STAG1: variants seen among roughly 807,000 people sequenced by gnomAD.
STAG1 encodes the protein STAG1 cohesin complex component, also known as cohesin subunit SA-1.
STAG1 carries 26 observed loss-of-function variants against 170.9 expected under a neutral mutation model. The observed-to-expected ratio is 0.15, with a 90% CI of 0.11 to 0.21. The LOEUF (loss-of-function observed/expected upper bound fraction) is 0.21. Among genes scored for constraint, STAG1 ranks in the 10% least tolerant of loss-of-function variants. STAG1 has a pLI of 1.00. For synonymous variants in STAG1, 514 were observed against 497.7 expected (o/e 1.03, Z -0.44); for missense variants, 964 against 1,509.5 (o/e 0.64, Z 5.99).
rs374645151 is a variant in STAG1 at position 136,519,608 on chromosome 3, G to A, written c.676+1605C>T. On this transcript the variant is annotated intron_variant, in intron 7 of 33. Coordinates refer to ENST00000383202, the MANE Select transcript of STAG1 (RefSeq NM_005862.3). ...AAATGGGCATTACTGTACACAGAAA[G>A]AAGTAAGACGAAAAGGAACAGAAAG... Among the ~76,000 whole-genome samples the A allele has an allele frequency of 2.0e-5, 3 of 150,678 alleles. No homozygotes were observed. In the East Asian group the frequency reaches 5.8e-4, roughly 29 times the overall value.
Position 136,337,147 on chromosome 3 carries a change from C to G in STAG1, c.*1107G>C, listed in dbSNP as rs898114146. On this transcript the variant is annotated 3_prime_UTR_variant, in exon 34 of 34. Transcript: ENST00000383202. The stretch of plus-strand genomic sequence containing the variant: ...ATTCAAGGTAAGCTTAGGAACTTCA[C>G]CCTCTAAGCACAGACTTCTATGCAG... 21 of 152,626 alleles carry G rather than the reference C, an allele frequency of 1.4e-4. No homozygotes were observed. Among genetic ancestry groups the G allele is most frequent in the African/African-American group, 5.1e-4 (21 of 41,450 alleles). 9.5% of individuals were successfully genotyped at this position (152,626 alleles called of 1,614,324 possible).
intron 32 of STAG1, 120 bp from the exon 33 acceptor site, chr3:136,338,570 G>C: frequency 1.5e-6 from 1 of 689,216 alleles, no homozygotes; most frequent in South Asian, 1.9e-5. Context: ...AGTCAATTTT[G>C]AAAGGAAGAA....
At chr3:136,422,879 A>G (rs755831653) in intron 17 of STAG1, 22 bp from the exon 18 acceptor site, 3 of 1,596,664 alleles carry the variant, frequency 1.9e-6, no homozygotes, top group Non-Finnish European at 2.6e-6. Flanking sequence ...AGCAAAGAAA[A>G]AGACAGTAAC....
At chr3:136,700,504 C>T (rs1943023804) in intron 1 of STAG1, among the ~76,000 whole-genome samples, 1 of 151,606 alleles carries the variant, frequency 6.6e-6, no homozygotes, top group South Asian at 2.1e-4. Flanking sequence ...ACCGCAACCT[C>T]CACCTCCCAG....
At chr3:136,370,917 A>T (rs1313008550) in intron 23 of STAG1, among the ~76,000 whole-genome samples, 6 of 152,180 alleles carry the variant, frequency 3.9e-5, no homozygotes, top group Non-Finnish European at 8.8e-5. Flanking sequence ...CTAGTTCTAG[A>T]TTCCTGAGGA....
chr3:136,553,638 G>A (rs1288813502), intron 5 of STAG1, among the ~76,000 whole-genome samples: 1 of 152,208 alleles, frequency 6.6e-6, no homozygotes, highest in African/African-American at 2.4e-5. Flanking sequence ...GCCGGGTGTG[G>A]TGGTGTGCGC....
chr3:136,697,986 A>T (rs1486804465), intron 1 of STAG1, among the ~76,000 whole-genome samples: 1 of 152,138 alleles, frequency 6.6e-6, no homozygotes, highest in Non-Finnish European at 1.5e-5. Context: ...AATACACATT[A>T]TAACTATATA....
intron 1 of STAG1, among the ~76,000 whole-genome samples, chr3:136,671,694 T>A (rs144020571): frequency 6.6e-6 from 1 of 151,932 alleles, no homozygotes; most frequent in Non-Finnish European, 1.5e-5. Flanking sequence ...AGTTCGACAC[T>A]AGCCTGGGCA....
intron 5 of STAG1, among the ~76,000 whole-genome samples, chr3:136,555,981 T>A (rs1936597224): frequency 1.3e-5 from 2 of 152,114 alleles, no homozygotes. Context: ...CTAAGCAAGA[T>A]ACTAGCAAAC....
intron 25 of STAG1, among the ~76,000 whole-genome samples, chr3:136,364,583 C>A (rs1008028918): frequency 5.9e-5 from 9 of 152,116 alleles, no homozygotes; most frequent in Non-Finnish European, 1.0e-4. Context: ...ACTATCTCAT[C>A]CCTGTAACCC....
At chr3:136,644,702 A>T (rs1360011565) in intron 1 of STAG1, among the ~76,000 whole-genome samples, 1 of 147,900 alleles carries the variant, frequency 6.8e-6, no homozygotes, top group African/African-American at 2.5e-5. Flanking sequence ...TATTTCTGTC[A>T]TTTTTTTTTT....
At chr3:136,428,589 T>C (rs558150359) in intron 16 of STAG1, among the ~76,000 whole-genome samples, 9 of 152,220 alleles carry the variant, frequency 5.9e-5, no homozygotes, top group African/African-American at 2.2e-4. Context: ...GTCAACACTA[T>C]TGAAGAGAAC....
chr3:136,587,169 A>T (rs1937870737), intron 4 of STAG1, among the ~76,000 whole-genome samples: 1 of 128,576 alleles, frequency 7.8e-6, no homozygotes, highest in African/African-American at 3.3e-5. Flanking sequence ...TAATTATGTT[A>T]AAAAAAAAAA....
intron 1 of STAG1, among the ~76,000 whole-genome samples, chr3:136,675,666 A>T (rs1576749812): frequency 6.6e-6 from 1 of 152,130 alleles, no homozygotes; most frequent in Non-Finnish European, 1.5e-5. Context: ...CACTTTCATC[A>T]TACCAAAGAG....
In STAG1 at chr3:136,337,272, T is replaced by C. The variant is rs1046266700; in HGVS notation, c.*982A>G. 19 of 152,760 alleles carry C rather than the reference T, an allele frequency of 1.2e-4. No individual in the cohort carries two copies. The highest frequency in any genetic ancestry group is 3.4e-4 in the African/African-American group (14 of 41,570). The allele number at this position is 152,760 out of a possible 1,614,324, so 9.5% of individuals were successfully genotyped here. ...ACAGTTATGTTACACTTAAAATTACTTTTGAATGATTGATAAAGGATTTCT... is the reference window on the plus strand; with the variant it reads ...ACAGTTATGTTACACTTAAAATTACCTTTGAATGATTGATAAAGGATTTCT... On this transcript the variant is annotated 3_prime_UTR_variant, in exon 34 of 34. Transcript: ENST00000383202.
chr3:136,666,074 CAAAAAAAAAAAAAAAAAAAAA>C (rs576009223), intron 1 of STAG1, among the ~76,000 whole-genome samples: 23 of 51,172 alleles, frequency 4.5e-4, no homozygotes, highest in South Asian at 2.3e-3. Context: ...GACTCCATCT[CAAAAAAAAAAAAAAAAAAAAA>C]AAAAAAAAAA....
At chr3:136,372,238 G>T (rs1937381173) in intron 23 of STAG1, among the ~76,000 whole-genome samples, 1 of 152,194 alleles carries the variant, frequency 6.6e-6, no homozygotes, top group Non-Finnish European at 1.5e-5. Flanking sequence ...TCAGCTTAAG[G>T]AGATTTTGGG....
intron 7 of STAG1, among the ~76,000 whole-genome samples, chr3:136,519,459 TG>T (rs1934555013): frequency 6.6e-6 from 1 of 152,076 alleles, no homozygotes; most frequent in Admixed American, 6.6e-5. Flanking sequence ...TAATAACTTC[TG>T]CATAAAAGTA....
At chr3:136,487,724 G>A (rs1382079637) in intron 9 of STAG1, among the ~76,000 whole-genome samples, 4 of 152,200 alleles carry the variant, frequency 2.6e-5, no homozygotes, top group Non-Finnish European at 4.4e-5. Flanking sequence ...TTTGAAGGAT[G>A]TCCACAAATT....
Sources: allele counts gnomAD v4.1 joint callset (sites outside exome capture counted in the v4.1 genomes callset), GRCh38; gene constraint gnomAD v4.1.1; transcripts MANE v1.5; gene names NCBI Gene and HGNC (gene_info 2026-07-23, HGNC 2026-07-21).